The following RARB variants were observed in gnomAD, a reference collection of about 807,000 sequenced individuals.
RARB encodes retinoic acid receptor beta.
Under a neutral mutation model 51.9 loss-of-function variants are expected in RARB, and 17 were observed. That is an observed-to-expected ratio of 0.33 (90% confidence interval 0.22 to 0.49). The LOEUF (loss-of-function observed/expected upper bound fraction) is 0.49, where lower values mean the gene tolerates loss of function less well. RARB is among the 20% of genes least tolerant of loss of function. RARB has a pLI of 0.99. For synonymous variants in RARB, 215 were observed against 195.4 expected, an observed-to-expected ratio of 1.10 and a Z score of -0.84; for missense variants, 369 against 550.8, an observed-to-expected ratio of 0.67 and a Z score of 3.30.
chr3:25,531,409 TAGATAGATAGATAGA>T (rs1011405412), intron 3 of RARB, among the ~76,000 whole-genome samples: 1 of 141,508 alleles, frequency 7.1e-6, no homozygotes, highest in African/African-American at 2.7e-5. Context: ...GATAGATAGA[TAGATAGATAGATAGA>T]AGATAGATAG....
chr3:24,877,631 C>A (rs1398551992), intron 2 of RARB, among the ~76,000 whole-genome samples: 2 of 152,070 alleles, frequency 1.3e-5, no homozygotes, highest in African/African-American at 4.8e-5. Context: ...TTAGTATAAA[C>A]CTACATGCTG....
chr3:25,325,494 T>A (rs1399542179), intron 5 of RARB, among the ~76,000 whole-genome samples: 1 of 152,092 alleles, frequency 6.6e-6, no homozygotes, highest in Non-Finnish European at 1.5e-5. Flanking sequence ...CCCTGTTTTA[T>A]GATGGAGTCG....
intron 5 of RARB, among the ~76,000 whole-genome samples, chr3:25,239,195 G>A (rs1234028033): frequency 1.3e-5 from 2 of 152,082 alleles, no homozygotes; most frequent in Non-Finnish European, 2.9e-5. Context: ...GTATATTCTG[G>A]ATATTAGTCC....
chr3:25,153,209 A>G (rs1700320542), intron 4 of RARB, among the ~76,000 whole-genome samples: 1 of 151,858 alleles, frequency 6.6e-6, no homozygotes, highest in Non-Finnish European at 1.5e-5. Context: ...CTGAATGCTG[A>G]TTCTTCACCA....
upstream of RARB, among the ~76,000 whole-genome samples, chr3:25,424,170 TGAA>T (rs1320928887): frequency 1.3e-5 from 2 of 152,196 alleles, no homozygotes; most frequent in East Asian, 1.9e-4. Flanking sequence ...AAGACATTTT[TGAA>T]GAAGATGTGT....
intron 5 of RARB, among the ~76,000 whole-genome samples, chr3:25,590,110 A>C (rs1325202675): frequency 6.6e-6 from 1 of 150,662 alleles, no homozygotes; most frequent in Non-Finnish European, 1.5e-5. Flanking sequence ...TTCTCAGGCC[A>C]TGTGCGTTCC....
chr3:25,469,491 GT>G (rs1445537298), intron 2 of RARB, among the ~76,000 whole-genome samples: 1 of 152,120 alleles, frequency 6.6e-6, no homozygotes, highest in Non-Finnish European at 1.5e-5. Context: ...GACACTCTGT[GT>G]ACCACTCTGT....
At chr3:25,303,973 AAG>A (rs1704098917) in intron 5 of RARB, among the ~76,000 whole-genome samples, 2 of 152,308 alleles carry the variant, frequency 1.3e-5, no homozygotes, top group Middle Eastern at 6.8e-3. Flanking sequence ...TGCTATGAAA[AAG>A]AACACTGAAC....
At chr3:25,182,658 C>G (rs1243614591) in intron 5 of RARB, among the ~76,000 whole-genome samples, 4 of 152,100 alleles carry the variant, frequency 2.6e-5, no homozygotes, top group Non-Finnish European at 5.9e-5. Context: ...TGGGTTTTCA[C>G]TTGTGTGTGG....
intron 2 of RARB, among the ~76,000 whole-genome samples, chr3:24,955,987 G>T (rs1241469896): frequency 2.6e-5 from 4 of 152,130 alleles, no homozygotes; most frequent in Admixed American, 1.3e-4. Flanking sequence ...TTCCTAGGGA[G>T]GGAGTCTTGA....
intron 3 of RARB, among the ~76,000 whole-genome samples, chr3:25,542,440 G>T (rs1437505438): frequency 6.6e-6 from 1 of 152,168 alleles, no homozygotes; most frequent in African/African-American, 2.4e-5. Context: ...AATTAGGGTG[G>T]TGGTAAGGTA....
At chr3:25,270,688 C>CAT (rs1703237134) in intron 5 of RARB, among the ~76,000 whole-genome samples, 1 of 152,158 alleles carries the variant, frequency 6.6e-6, no homozygotes, top group South Asian at 2.1e-4. Flanking sequence ...ACAAAGCACA[C>CAT]ATATCACCTT....
chr3:25,387,411 A>G (rs1706825390), intron 5 of RARB, among the ~76,000 whole-genome samples: 2 of 152,208 alleles, frequency 1.3e-5, no homozygotes, highest in African/African-American at 4.8e-5. Flanking sequence ...TAGGAAACAC[A>G]TTGGCTAGGC....
chr3:25,196,787 T>G (rs1020321347), intron 5 of RARB, among the ~76,000 whole-genome samples: 1 of 152,154 alleles, frequency 6.6e-6, no homozygotes, highest in African/African-American at 2.4e-5. Flanking sequence ...TGGTATCTCA[T>G]TGTGGTTTTG....
At chr3:25,259,669 G>A (rs1347599560) in intron 5 of RARB, among the ~76,000 whole-genome samples, 3 of 152,278 alleles carry the variant, frequency 2.0e-5, no homozygotes, top group Admixed American at 6.5e-5. Flanking sequence ...GCTAGTATGA[G>A]TATAACTAAT....
intron 3 of RARB, among the ~76,000 whole-genome samples, chr3:25,505,622 T>C (rs922479658): frequency 6.6e-6 from 1 of 151,884 alleles, no homozygotes; most frequent in African/African-American, 2.4e-5. Context: ...TAGGGAAGCC[T>C]TTTTGCAGAG....
intron 4 of RARB, among the ~76,000 whole-genome samples, chr3:25,155,747 C>T (rs1019505138): frequency 1.3e-5 from 2 of 152,170 alleles, no homozygotes; most frequent in African/African-American, 4.8e-5. Flanking sequence ...TGATGGCTGG[C>T]TTAGGAACAC....
chr3:25,295,187 G>A lies in RARB; in HGVS notation c.178+120612G>A, dbSNP rs1184151486. 2.6e-5 allele frequency among the ~76,000 whole-genome samples: 4 copies of A among 152,294 alleles called. No individual in the cohort carries two copies. In the East Asian group the frequency reaches 5.8e-4, roughly 22 times the overall value. On this transcript the variant is annotated intron_variant, in intron 5 of 11. Coordinates refer to the RARB transcript ENST00000383772. Reference sequence around the variant, plus strand: ...TCCTGGTTGTGCTTGCTTTGTGACTGTTGGGCATTTTAACTGCTATGGTCA... The same window carrying A: ...TCCTGGTTGTGCTTGCTTTGTGACTATTGGGCATTTTAACTGCTATGGTCA...
intron 5 of RARB, among the ~76,000 whole-genome samples, chr3:25,405,894 C>T (rs2125497519): frequency 6.6e-6 from 1 of 152,182 alleles, no homozygotes; most frequent in East Asian, 1.9e-4. Flanking sequence ...AGGGGCAGGA[C>T]ACTAATGAGA....
Sources: gnomAD v4.1 joint callset for allele counts (sites outside exome capture counted in the v4.1 genomes callset) on GRCh38, gnomAD v4.1.1 for gene constraint, MANE v1.5 for transcripts, NCBI Gene and HGNC (gene_info 2026-07-23, HGNC 2026-07-21) for gene names.